TLE4: variants seen among roughly 807,000 people sequenced by gnomAD.
TLE4 encodes the protein transducin-like enhancer protein 4.
TLE4 carries 8 observed loss-of-function variants against 92.8 expected under a neutral mutation model. The observed-to-expected ratio is 0.09, with a 90% CI of 0.05 to 0.16. The LOEUF (loss-of-function observed/expected upper bound fraction) is 0.16, where lower values mean the gene tolerates loss of function less well. TLE4 is among the 10% of genes least tolerant of loss of function. The probability of loss-of-function intolerance (pLI) is 1.00; values close to 1 mark genes in which losing one functional copy is unlikely to be tolerated. For missense variants in TLE4, 675 were observed against 997.6 expected, an observed-to-expected ratio of 0.68 and a Z score of 4.36; for synonymous variants, 371 against 374.1, an observed-to-expected ratio of 0.99 and a Z score of 0.10.
chr9:79,661,877 C>T (rs902582970), intron 8 of TLE4, among the ~76,000 whole-genome samples: 4 of 152,044 alleles, frequency 2.6e-5, no homozygotes, highest in Admixed American at 6.6e-5. Flanking sequence ...AAGAAATTCC[C>T]GCTCATTTGT....
intron 8 of TLE4, among the ~76,000 whole-genome samples, chr9:79,690,895 C>T (rs557552625): frequency 4.6e-5 from 7 of 151,270 alleles, no homozygotes; most frequent in Admixed American, 2.6e-4. Flanking sequence ...CTCAGCCTCC[C>T]GAAGCAATGA....
At chr9:79,703,913 C>T (rs1261304797) in intron 8 of TLE4, among the ~76,000 whole-genome samples, 1 of 151,972 alleles carries the variant, frequency 6.6e-6, no homozygotes, top group East Asian at 1.9e-4. Context: ...TTGCTCAAAT[C>T]CCCCAAAATT....
chr9:79,580,005 A>G (rs1490792274), intron 4 of TLE4: 3 of 152,174 alleles, frequency 2.0e-5, no homozygotes, highest in South Asian at 2.1e-4. Context: ...TCTAAGGGCA[A>G]TAAGATATTG....
chr9:79,606,689 C>G (rs2132848437), intron 4 of TLE4, among the ~76,000 whole-genome samples: 1 of 152,204 alleles, frequency 6.6e-6, no homozygotes, highest in East Asian at 1.9e-4. Context: ...AACCATGTCT[C>G]TGCAAAGGAC....
chr9:79,627,915 G>A (rs766251109), intron 6 of TLE4, among the ~76,000 whole-genome samples: 5 of 151,996 alleles, frequency 3.3e-5, no homozygotes, highest in Non-Finnish European at 7.4e-5. Flanking sequence ...TTATGGGTTA[G>A]TGTCCATTTG....
At chr9:79,653,260 AG>A (rs2059295474) in intron 7 of TLE4, among the ~76,000 whole-genome samples, 1 of 152,246 alleles carries the variant, frequency 6.6e-6, no homozygotes, top group Non-Finnish European at 1.5e-5. Flanking sequence ...CAATTTCAGT[AG>A]TCTTAGTAAT....
chr9:79,712,608 A>G (rs913396932), intron 14 of TLE4, among the ~76,000 whole-genome samples: 10 of 152,378 alleles, frequency 6.6e-5, no homozygotes, highest in African/African-American at 2.2e-4. Context: ...ATTGCTAGAT[A>G]TGATCAGAAA....
intron 6 of TLE4, among the ~76,000 whole-genome samples, chr9:79,643,029 A>G (rs1341444675): frequency 1.3e-5 from 2 of 152,154 alleles, no homozygotes; most frequent in African/African-American, 4.8e-5. Context: ...TGTTCTCTTT[A>G]TTCTTGCTTC....
At position 79,718,763 on chromosome 9, in the gene TLE4, C is replaced by T. The variant is rs762725614; in HGVS notation, c.1382C>T (p.Pro461Leu). ...GTTAGCGCAGATGGTCAGATGCAGC[C>T]TGTCCCTTTTCCACCCGACGCCCTC... ...FHVSADGQMQ[P>L]VPFPPDALIG... is the part of the protein sequence containing the mutation. Residue 461 changes from proline to leucine, a missense_variant, in exon 15 of 20, where the codon CCT becomes CTT. By Grantham distance (98) the Pro-to-Leu change is moderately conservative. Transcript: ENST00000376552. 1.9e-6 allele frequency: 3 copies of T among 1,614,168 alleles called. No homozygotes were observed. The highest frequency in any genetic ancestry group is 8.5e-7 in the Non-Finnish European group (1 of 1,180,024).
chr9:79,612,628 T>C (rs762788473), intron 4 of TLE4, 28 bp from the exon 5 acceptor site: 2 of 1,602,320 alleles, frequency 1.2e-6, no homozygotes, highest in African/African-American at 1.3e-5. Context: ...GTTCTCTTTA[T>C]TGCTTTCCTT....
intron 4 of TLE4, among the ~76,000 whole-genome samples, chr9:79,578,092 T>A (rs565440686): frequency 6.6e-6 from 1 of 152,306 alleles, no homozygotes; most frequent in South Asian, 2.1e-4. Context: ...ATTTTCTTTC[T>A]TTCTCCCCCT....
At chr9:79,649,777 G>A in intron 6 of TLE4, 1 of 1,351,262 alleles carries the variant, frequency 7.4e-7, no homozygotes, top group Non-Finnish European at 9.8e-7. Context: ...AAAAGTTCTG[G>A]TCCAATGGAA....
chr9:79,684,960 G>C (rs1473418281), intron 8 of TLE4, among the ~76,000 whole-genome samples: 1 of 152,188 alleles, frequency 6.6e-6, no homozygotes, highest in Non-Finnish European at 1.5e-5. Context: ...GTCTGCCCAA[G>C]TGGTGACTGG....
intron 4 of TLE4, among the ~76,000 whole-genome samples, chr9:79,598,906 G>C (rs2044807740): frequency 6.6e-6 from 1 of 152,110 alleles, no homozygotes; most frequent in African/African-American, 2.4e-5. Flanking sequence ...GTTTCTACCA[G>C]AGCTTCTAGT....
chr9:79,611,156 T>G (rs886171540), intron 4 of TLE4, among the ~76,000 whole-genome samples: 1 of 152,020 alleles, frequency 6.6e-6, no homozygotes, highest in African/African-American at 2.4e-5. Context: ...CCATAACCAC[T>G]GTGGTATGTT....
chr9:79,670,846 G>A (rs2062192158), intron 8 of TLE4, among the ~76,000 whole-genome samples: 1 of 151,718 alleles, frequency 6.6e-6, no homozygotes, highest in Non-Finnish European at 1.5e-5. Flanking sequence ...TGGTAAAGTT[G>A]CCCAATATAG....
intron 8 of TLE4, among the ~76,000 whole-genome samples, chr9:79,694,495 C>T (rs1206687053): frequency 6.6e-6 from 1 of 152,086 alleles, no homozygotes; most frequent in Admixed American, 6.6e-5. Flanking sequence ...TGTGAAAGCT[C>T]GAAATCGTTT....
intron 14 of TLE4, among the ~76,000 whole-genome samples, chr9:79,717,713 C>T (rs980678119): frequency 2.0e-4 from 31 of 152,282 alleles, no homozygotes; most frequent in Admixed American, 1.5e-3. Flanking sequence ...CTTTACGCAC[C>T]CACAATGCTT....
intron 8 of TLE4, chr9:79,668,720 CAG>C: frequency 1.9e-6 from 1 of 519,788 alleles, no homozygotes; most frequent in South Asian, 8.6e-5. Context: ...TTAAGAAGAA[CAG>C]TATATGCTAA....
Sources: allele counts gnomAD v4.1 joint callset (sites outside exome capture counted in the v4.1 genomes callset), GRCh38; gene constraint gnomAD v4.1.1; transcripts MANE v1.5; gene names NCBI Gene and HGNC (gene_info 2026-07-23, HGNC 2026-07-21).